The following KCNH7 variants were observed in gnomAD, a reference collection of about 807,000 sequenced individuals.
The protein encoded by KCNH7 is voltage-gated inwardly rectifying potassium channel KCNH7.
Under a neutral mutation model 120.8 loss-of-function variants are expected in KCNH7, and 49 were observed. That is an observed-to-expected ratio of 0.41 (90% CI 0.32 to 0.51). The LOEUF (loss-of-function observed/expected upper bound fraction) is 0.51. Among genes scored for constraint, KCNH7 ranks in the 20% least tolerant of loss-of-function variants. The pLI, the probability that KCNH7 is intolerant of heterozygous loss-of-function variation, is 0.38. For missense variants in KCNH7, 1,097 were observed against 1,446.6 expected, an observed-to-expected ratio of 0.76 and a Z score of 3.92; for synonymous variants, 547 against 516.1, an observed-to-expected ratio of 1.06 and a Z score of -0.81.
At chr2:162,539,035 C>CGCA in intron 2 of KCNH7, among the ~76,000 whole-genome samples, 1 of 152,166 alleles carries the variant, frequency 6.6e-6, no homozygotes, top group East Asian at 1.9e-4. Flanking sequence ...GCAAGCTGCA[C>CGCA]CTTCAGTCTT....
intron 2 of KCNH7, among the ~76,000 whole-genome samples, chr2:162,686,371 G>A (rs1685891482): frequency 6.6e-6 from 1 of 152,092 alleles, no homozygotes; most frequent in Non-Finnish European, 1.5e-5. Context: ...CCAATCCTGA[G>A]TTTTTGCTAA....
chr2:162,672,681 C>T (rs1202680749), intron 2 of KCNH7, among the ~76,000 whole-genome samples: 6 of 151,892 alleles, frequency 4.0e-5, no homozygotes, highest in Non-Finnish European at 8.8e-5. Context: ...GTATGCTGAG[C>T]ATTGTTCTAA....
chr2:162,598,156 C>T (rs1694440455), intron 2 of KCNH7, among the ~76,000 whole-genome samples: 1 of 152,058 alleles, frequency 6.6e-6, no homozygotes, highest in African/African-American at 2.4e-5. Context: ...GAAGCCAACA[C>T]TTTACACACA....
At position 162,413,381 on chromosome 2, in the gene KCNH7, C is replaced by A. The variant is rs527744491; in HGVS notation, c.2154+9955G>T. Among the ~76,000 whole-genome samples, 38 of 152,224 alleles carry A rather than the reference C, an allele frequency of 2.5e-4. No individual in the cohort carries two copies. In the East Asian group the frequency reaches 7.2e-3, roughly 29 times the overall value. On this transcript the variant is annotated intron_variant, in intron 9 of 15. Coordinates refer to ENST00000332142, the MANE Select transcript of KCNH7 (RefSeq NM_033272.4). ...ACCTCAGGTGATCCACCCGCTTTGGCCTCCCAAAGTGCTGGAATTACAGGG... is the reference window on the plus strand; with the variant it reads ...ACCTCAGGTGATCCACCCGCTTTGGACTCCCAAAGTGCTGGAATTACAGGG...
chr2:162,564,411 TCTC>T (rs2105885630), intron 2 of KCNH7, among the ~76,000 whole-genome samples: 1 of 152,264 alleles, frequency 6.6e-6, no homozygotes, highest in African/African-American at 2.4e-5. Flanking sequence ...GCAGAATTCT[TCTC>T]AATGAATCTT....
intron 8 of KCNH7, among the ~76,000 whole-genome samples, chr2:162,426,892 C>T (rs1320456553): frequency 6.6e-6 from 1 of 152,002 alleles, no homozygotes; most frequent in Admixed American, 6.6e-5. Context: ...AGACCTTAGA[C>T]AACCACCGAG....
intron 6 of KCNH7, among the ~76,000 whole-genome samples, chr2:162,472,125 C>T (rs192088417): frequency 0.014 from 2,063 of 151,896 alleles, 40 homozygotes; most frequent in African/African-American, 0.048. Flanking sequence ...GACCTAAAAC[C>T]ATAAAAACCC....
chr2:162,430,890 T>G (rs1356192017), intron 8 of KCNH7, among the ~76,000 whole-genome samples: 4 of 151,824 alleles, frequency 2.6e-5, no homozygotes, highest in Non-Finnish European at 5.9e-5. Context: ...TTATAATATT[T>G]AAGATATAAA....
intron 2 of KCNH7, among the ~76,000 whole-genome samples, chr2:162,738,158 T>G (rs1435983408): frequency 6.6e-6 from 1 of 152,060 alleles, no homozygotes; most frequent in East Asian, 1.9e-4. Context: ...TAAGTTTCTT[T>G]TAAAAATTCT....
chr2:162,771,990 A>C (rs1325011740), intron 2 of KCNH7: 3 of 152,196 alleles, frequency 2.0e-5, no homozygotes, highest in Non-Finnish European at 4.4e-5. Flanking sequence ...CCAGCTTAAC[A>C]GGTAAGCCTA....
chr2:162,403,219 A>G (rs189111876), intron 9 of KCNH7, among the ~76,000 whole-genome samples: 14 of 152,034 alleles, frequency 9.2e-5, no homozygotes, highest in Admixed American at 8.5e-4. Context: ...CCAAAAATCT[A>G]TTATGTTTTG....
intron 2 of KCNH7, among the ~76,000 whole-genome samples, chr2:162,825,392 C>T (rs1685246379): frequency 6.6e-6 from 1 of 151,782 alleles, no homozygotes; most frequent in Non-Finnish European, 1.5e-5. Flanking sequence ...AATTGGATCA[C>T]ATTTAGTGAT....
In KCNH7 at chr2:162,531,998, G is replaced by A. The variant is rs59456916; in HGVS notation, c.463+4927C>T. Among the ~76,000 whole-genome samples the A allele has an allele frequency of 9.9e-3, 1,503 of 151,876 alleles. 35 individuals carry two copies. The highest frequency in any genetic ancestry group is 0.033 in the African/African-American group (1,387 of 41,462). On this transcript the variant is annotated intron_variant, in intron 3 of 15. Coordinates refer to ENST00000332142, the MANE Select transcript of KCNH7 (RefSeq NM_033272.4). ...CTCAAATATTAAAGTTTTGTGATAA[G>A]GCTTCCAGCTTCCCATAGATAATGA...
At chr2:162,577,381 CTAT>C (rs1420267491) in intron 2 of KCNH7, among the ~76,000 whole-genome samples, 2 of 150,986 alleles carry the variant, frequency 1.3e-5, no homozygotes, top group African/African-American at 4.9e-5. Context: ...ATCTATCTAT[CTAT>C]CTATCTATCT....
At chr2:162,636,913 A>G (rs1011099389) in intron 2 of KCNH7, among the ~76,000 whole-genome samples, 1 of 152,050 alleles carries the variant, frequency 6.6e-6, no homozygotes, top group African/African-American at 2.4e-5. Context: ...GCAGTTATTC[A>G]ATCTGTTTCT....
chr2:162,371,431 G>C lies in KCNH7; in HGVS notation c.*398C>G. Reference sequence around the variant, plus strand: ...CATGAGTTGAGGATCATCTGAATTTGAGTTGCATCCATGAACAGTTTTATC... The same window carrying C: ...CATGAGTTGAGGATCATCTGAATTTCAGTTGCATCCATGAACAGTTTTATC... On this transcript the variant is annotated 3_prime_UTR_variant, in exon 16 of 16. Coordinates refer to ENST00000332142, the MANE Select transcript of KCNH7 (RefSeq NM_033272.4). 1.6e-6 allele frequency: 2 copies of C among 1,287,944 alleles called. No homozygotes were observed. The highest frequency in any genetic ancestry group is 2.0e-6 in the Non-Finnish European group (2 of 988,318). 79.8% of individuals were successfully genotyped at this position (1,287,944 alleles called of 1,614,324 possible).
chr2:162,552,703 C>T (rs1387743983), intron 2 of KCNH7, among the ~76,000 whole-genome samples: 1 of 152,174 alleles, frequency 6.6e-6, no homozygotes, highest in Non-Finnish European at 1.5e-5. Context: ...CAAAGGTGTT[C>T]CTGCTGGCCT....
At chr2:162,807,537 T>A (rs955826556) in intron 2 of KCNH7, among the ~76,000 whole-genome samples, 1 of 152,238 alleles carries the variant, frequency 6.6e-6, no homozygotes, top group South Asian at 2.1e-4. Context: ...AGTTTGTGGC[T>A]TTTTTGTATT....
intron 2 of KCNH7, among the ~76,000 whole-genome samples, chr2:162,764,412 A>G (rs1470389448): frequency 6.6e-6 from 1 of 152,178 alleles, no homozygotes; most frequent in Non-Finnish European, 1.5e-5. Context: ...ATAATATTTT[A>G]TAGACAGTAT....
Sources: gnomAD v4.1 joint callset for allele counts (sites outside exome capture counted in the v4.1 genomes callset) on GRCh38, gnomAD v4.1.1 for gene constraint, MANE v1.5 for transcripts, NCBI Gene and HGNC (gene_info 2026-07-23, HGNC 2026-07-21) for gene names.